COL15A1: variants seen among roughly 807,000 people sequenced by gnomAD.
The protein encoded by COL15A1 is collagen alpha-1(XV) chain.
Under a neutral mutation model 165.9 loss-of-function variants are expected in COL15A1, and 111 were observed. The observed-to-expected ratio is 0.67, with a 90% confidence interval of 0.57 to 0.78. The LOEUF is 0.78. Ranked by LOEUF, COL15A1 falls within the 30% of genes least tolerant of loss-of-function variation. The pLI is 0.00. For missense variants in COL15A1, 1,745 were observed against 1,789.7 expected (o/e 0.98, Z 0.45); for synonymous variants, 659 against 674.8 (o/e 0.98, Z 0.36).
At chr9:99,026,740 C>A (rs1480467378) in intron 16 of COL15A1, among the ~76,000 whole-genome samples, 1 of 152,174 alleles carries the variant, frequency 6.6e-6, no homozygotes, top group Non-Finnish European at 1.5e-5. Flanking sequence ...CTCTGGGGAG[C>A]TCTCCCTGAC....
chr9:99,066,882 C>T lies in COL15A1; in HGVS notation c.3652C>T (p.Leu1218=). 1 of 1,610,314 alleles carries T rather than the reference C, an allele frequency of 6.2e-7. No homozygotes were observed. Among genetic ancestry groups the T allele is most frequent in the Non-Finnish European group, 8.5e-7 (1 of 1,178,336 alleles). Residue 1218 remains leucine (L), a splice_region_variant and synonymous_variant, in exon 40 of 42, where the codon CTG becomes TTG. Transcript: ENST00000375001. ...CTCTCTTTTGTCTCACATTTTTCAG[C>T]TGCATTTGGCTGCTCTGAACATGCC... ...ISSANYEKPA[L]HLAALNMPFS... is the part of the protein sequence containing the mutation.
At chr9:98,971,518 CG>C (rs1419322704) in intron 2 of COL15A1, among the ~76,000 whole-genome samples, 1 of 151,966 alleles carries the variant, frequency 6.6e-6, no homozygotes, top group Non-Finnish European at 1.5e-5. Context: ...TGGGTGCTCA[CG>C]CCTGCCCGCA....
At chr9:99,022,286 C>A in intron 13 of COL15A1, 136 bp downstream of exon 13, 1 of 1,021,098 alleles carries the variant, frequency 9.8e-7, no homozygotes, top group Non-Finnish European at 1.5e-6. Context: ...TCTGCCTCTA[C>A]TAGGACTCTG....
chr9:99,066,599 G>GTTTTTTTTTTTGTTTTT (rs1825895496), intron 39 of COL15A1, among the ~76,000 whole-genome samples: 1 of 71,082 alleles, frequency 1.4e-5, no homozygotes, highest in African/African-American at 5.2e-5. Context: ...ATTTTGTTCT[G>GTTTTTTTTTTTGTTTTT]TTTTTTTTTT....
chr9:99,009,686 T>TA (rs762210335), intron 9 of COL15A1, among the ~76,000 whole-genome samples: 261 of 151,048 alleles, frequency 1.7e-3, no homozygotes, highest in African/African-American at 4.6e-3. Context: ...CTCAAAGAGT[T>TA]AAAAAAAAAG....
At chr9:98,980,299 C>T (rs2118867938) in intron 2 of COL15A1, among the ~76,000 whole-genome samples, 1 of 152,308 alleles carries the variant, frequency 6.6e-6, no homozygotes, top group African/African-American at 2.4e-5. Context: ...TAGTGACATG[C>T]AGGGGCTATG....
intron 36 of COL15A1, among the ~76,000 whole-genome samples, chr9:99,060,244 A>G (rs1373223558): frequency 2.8e-5 from 3 of 108,238 alleles, no homozygotes; most frequent in Non-Finnish European, 5.4e-5. Flanking sequence ...TTATATATAT[A>G]TATATATATA....
intron 39 of COL15A1, among the ~76,000 whole-genome samples, chr9:99,063,789 T>C (rs550338619): frequency 6.6e-6 from 1 of 152,112 alleles, no homozygotes; most frequent in African/African-American, 2.4e-5. Context: ...TGGAGAGACA[T>C]GAAGGAAGCA....
intron 23 of COL15A1, 148 bp from the exon 24 acceptor site, chr9:99,041,897 G>T (rs998120753): frequency 5.0e-6 from 3 of 597,694 alleles, no homozygotes; most frequent in Admixed American, 5.6e-5. Context: ...ACCACTTAAG[G>T]TTAAGAAAAT....
intron 2 of COL15A1, among the ~76,000 whole-genome samples, chr9:98,950,763 C>T (rs1837674368): frequency 6.6e-6 from 1 of 151,906 alleles, no homozygotes; most frequent in Non-Finnish European, 1.5e-5. Context: ...TACAGGCATG[C>T]CCAGCTCATT....
intron 2 of COL15A1, among the ~76,000 whole-genome samples, chr9:98,957,939 A>G (rs543992852): frequency 1.3e-5 from 2 of 152,144 alleles, no homozygotes; most frequent in African/African-American, 4.8e-5. Flanking sequence ...GCACCATCAC[A>G]CCTGGCTGGG....
chr9:98,992,952 T>G (rs1838472981), intron 5 of COL15A1, among the ~76,000 whole-genome samples: 1 of 152,134 alleles, frequency 6.6e-6, no homozygotes. Context: ...TTGTTGGTGA[T>G]TTGATGGACT....
At chr9:99,038,523 G>T in intron 21 of COL15A1, 145 bp from the exon 22 acceptor site, 1 of 572,804 alleles carries the variant, frequency 1.7e-6, no homozygotes, top group South Asian at 2.7e-5. Context: ...GGGAGGGAGA[G>T]CTGTGTTTGG....
chr9:99,052,188 TC>T (rs952502034), intron 30 of COL15A1, among the ~76,000 whole-genome samples, 199 bp from the exon 31 acceptor site: 4 of 152,210 alleles, frequency 2.6e-5, no homozygotes, highest in African/African-American at 9.6e-5. Flanking sequence ...ACATCATGGG[TC>T]TCCCAGTTTA....
chr9:98,998,875 T>C (rs954327176), intron 6 of COL15A1, among the ~76,000 whole-genome samples: 1 of 152,168 alleles, frequency 6.6e-6, no homozygotes, highest in African/African-American at 2.4e-5. Context: ...TTCTTCTTGA[T>C]GTGTAGACAG....
chr9:98,976,981 C>T (rs1183158901), intron 2 of COL15A1, among the ~76,000 whole-genome samples: 1 of 151,980 alleles, frequency 6.6e-6, no homozygotes. Context: ...CACAAAGGCT[C>T]AAGGGTGTAA....
chr9:98,947,733 A>G (rs1398578934), intron 2 of COL15A1, among the ~76,000 whole-genome samples: 2 of 151,994 alleles, frequency 1.3e-5, no homozygotes, highest in East Asian at 3.9e-4. Context: ...CTCTGGATCG[A>G]CTCTCCCTAC....
rs1431356011 is a variant in COL15A1, at chr9:99,026,066, C to T, written c.2043+100C>T. 71 of 1,125,966 alleles carry T rather than the reference C, an allele frequency of 6.3e-5. No individual in the cohort carries two copies. In the South Asian group the frequency reaches 9.0e-4, roughly 14 times the overall value. The allele number at this position is 1,125,966 out of a possible 1,614,324, so 69.7% of individuals were successfully genotyped here. A position where few individuals can be genotyped will look rare whatever the true frequency, so the allele number is the denominator to read the frequency against. ...GACCTTGCCTCTTATGTGACTGACC[C>T]CCTGGCCTCCTGAAATCCCCTGCTG... On this transcript the variant is annotated intron_variant, in intron 16 of 41. Transcript: ENST00000375001.
At chr9:98,962,661 C>A (rs563284545) in intron 2 of COL15A1, among the ~76,000 whole-genome samples, 196 of 152,324 alleles carry the variant, frequency 1.3e-3, no homozygotes, top group African/African-American at 4.5e-3. Context: ...TGACAGAGTG[C>A]TTTAGCAGAG....
Sources: gnomAD v4.1 joint callset for allele counts (sites outside exome capture counted in the v4.1 genomes callset) on GRCh38, gnomAD v4.1.1 for gene constraint, MANE v1.5 for transcripts, NCBI Gene and HGNC (gene_info 2026-07-23, HGNC 2026-07-21) for gene names.